Variants in PPARGC1A observed in about 807,000 individuals in gnomAD.
PPARGC1A encodes PPARG coactivator 1 alpha.
In PPARGC1A, 25 loss-of-function variants were observed where a neutral mutation model predicts 88.7. That is an observed-to-expected ratio of 0.28 (90% CI 0.21 to 0.39). The LOEUF (loss-of-function observed/expected upper bound fraction) is 0.39, where lower values mean the gene tolerates loss of function less well. Ranked by LOEUF, PPARGC1A falls within the 10% of genes least tolerant of loss-of-function variation. The pLI is 1.00. For synonymous variants in PPARGC1A, 363 were observed against 355.6 expected, an observed-to-expected ratio of 1.02 and a Z score of -0.24; for missense variants, 880 against 968.7, an observed-to-expected ratio of 0.91 and a Z score of 1.22.
intron 2 of PPARGC1A, among the ~76,000 whole-genome samples, chr4:23,841,671 A>G (rs1027046643): frequency 1.1e-4 from 16 of 152,092 alleles, no homozygotes; most frequent in Admixed American, 3.3e-4. Context: ...ACTCATTTCT[A>G]TGAAGCAGGA....
At chr4:24,197,641 C>T in the PPARGC1A span, among the ~76,000 whole-genome samples, 4 of 152,158 alleles carry the variant, frequency 2.6e-5, no homozygotes, top group African/African-American at 9.7e-5. Context: ...CAGGGTCCAA[C>T]AAAGCAATAA....
chr4:23,862,789 T>C (rs4235308), intron 2 of PPARGC1A, among the ~76,000 whole-genome samples: 60,807 of 152,036 alleles, frequency 0.4, 12,183 homozygotes, highest in Middle Eastern at 0.49. Context: ...ATCTTTACTA[T>C]GTGGGGCAAA....
At chr4:24,350,017 A>G in the PPARGC1A span, among the ~76,000 whole-genome samples, 1 of 152,104 alleles carries the variant, frequency 6.6e-6, no homozygotes, top group East Asian at 1.9e-4. Context: ...TCAGCTCTCA[A>G]ACTTGACTCA....
At chr4:24,414,918 G>A in the PPARGC1A span, among the ~76,000 whole-genome samples, 3 of 152,138 alleles carry the variant, frequency 2.0e-5, no homozygotes, top group Admixed American at 6.5e-5. Flanking sequence ...GGCCGGACAT[G>A]GTGGCTCATG....
chr4:24,296,096 A>C, the PPARGC1A span, among the ~76,000 whole-genome samples: 3 of 151,076 alleles, frequency 2.0e-5, no homozygotes, highest in Non-Finnish European at 4.4e-5. Flanking sequence ...ATACACACAT[A>C]CATATATATG....
chr4:23,889,091 C>G, intron 1 of PPARGC1A: 1 of 985,366 alleles, frequency 1.0e-6, no homozygotes, highest in Non-Finnish European at 1.2e-6. Flanking sequence ...TATTTTCCCC[C>G]CTGTATGAAT....
At chr4:23,947,459 G>A in the PPARGC1A span, among the ~76,000 whole-genome samples, 4 of 145,942 alleles carry the variant, frequency 2.7e-5, no homozygotes, top group African/African-American at 7.7e-5. Flanking sequence ...TCAATGTCAC[G>A]CTGCTGGTAA....
chr4:24,219,064 G>A, the PPARGC1A span, among the ~76,000 whole-genome samples: 1 of 152,190 alleles, frequency 6.6e-6, no homozygotes, highest in African/African-American at 2.4e-5. Flanking sequence ...ACAAGAAAGA[G>A]GGGCTTATTT....
At chr4:24,107,206 GTTAA>G in the PPARGC1A span, among the ~76,000 whole-genome samples, 1 of 152,234 alleles carries the variant, frequency 6.6e-6, no homozygotes, top group Non-Finnish European at 1.5e-5. Context: ...GGTTGAATCT[GTTAA>G]TTAATATACT....
chr4:24,225,297 C>T, the PPARGC1A span, among the ~76,000 whole-genome samples: 7 of 152,112 alleles, frequency 4.6e-5, no homozygotes, highest in South Asian at 4.1e-4. Flanking sequence ...GGGCTGGGCA[C>T]GGTGGCTCAC....
chr4:24,437,642 G>C, the PPARGC1A span, among the ~76,000 whole-genome samples: 2 of 148,814 alleles, frequency 1.3e-5, no homozygotes, highest in East Asian at 4.0e-4. Flanking sequence ...TGTTGTTTTA[G>C]TTTTGGTTTT....
the PPARGC1A span, among the ~76,000 whole-genome samples, chr4:24,196,575 T>C: frequency 1.3e-5 from 2 of 152,202 alleles, no homozygotes; most frequent in African/African-American, 4.8e-5. Flanking sequence ...AAGGCTGCAA[T>C]GCAGTAGCCA....
the PPARGC1A span, among the ~76,000 whole-genome samples, chr4:24,448,035 C>G: frequency 6.6e-6 from 1 of 152,230 alleles, no homozygotes; most frequent in East Asian, 1.9e-4. Flanking sequence ...CCACTGAATT[C>G]CAGCTCCTCA....
At chr4:23,891,774 AT>A (rs1717883074), upstream of PPARGC1A, among the ~76,000 whole-genome samples, 1 of 152,156 alleles carries the variant, frequency 6.6e-6, no homozygotes, top group Non-Finnish European at 1.5e-5. Flanking sequence ...TGTAGTTTTA[AT>A]TTTCTAATGA....
the PPARGC1A span, among the ~76,000 whole-genome samples, chr4:24,437,675 T>C: frequency 6.6e-6 from 1 of 152,106 alleles, no homozygotes; most frequent in South Asian, 2.1e-4. Flanking sequence ...TTCTTTCTTT[T>C]TTTTTCTTTT....
At chr4:24,383,125 C>T in the PPARGC1A span, among the ~76,000 whole-genome samples, 1 of 152,198 alleles carries the variant, frequency 6.6e-6, no homozygotes, top group African/African-American at 2.4e-5. Context: ...AGCAGACCTG[C>T]AGCAGAGGGG....
the PPARGC1A span, among the ~76,000 whole-genome samples, chr4:24,117,419 T>C: frequency 6.6e-6 from 1 of 152,120 alleles, no homozygotes; most frequent in African/African-American, 2.4e-5. Context: ...TGTATTAACA[T>C]GGCCTCTTAT....
the PPARGC1A span, among the ~76,000 whole-genome samples, chr4:24,025,098 G>A: frequency 5.3e-5 from 8 of 152,142 alleles, no homozygotes; most frequent in African/African-American, 1.9e-4. Flanking sequence ...TCTAAACTGG[G>A]AATTTCCTTT....
the PPARGC1A span, among the ~76,000 whole-genome samples, chr4:24,003,126 CAG>C: frequency 6.6e-6 from 1 of 152,088 alleles, no homozygotes; most frequent in South Asian, 2.1e-4. Context: ...TCTCATTTTC[CAG>C]AAGTGAAAAC....
Sources: allele counts gnomAD v4.1 joint callset (sites outside exome capture counted in the v4.1 genomes callset), GRCh38; gene constraint gnomAD v4.1.1; transcripts MANE v1.5; gene names NCBI Gene and HGNC (gene_info 2026-07-23, HGNC 2026-07-21).